The following ILDR2 variants were observed in gnomAD, a reference collection of about 807,000 sequenced individuals.
ILDR2 encodes immunoglobulin-like domain-containing receptor 2.
A neutral mutation model predicts 66.8 loss-of-function variants in ILDR2; 25 were observed. The observed-to-expected ratio is 0.37, with a 90% CI of 0.27 to 0.52. The LOEUF (loss-of-function observed/expected upper bound fraction) is 0.52, where lower values mean the gene tolerates loss of function less well. Among genes scored for constraint, ILDR2 ranks in the 20% least tolerant of loss-of-function variants. The pLI, the probability that ILDR2 is intolerant of heterozygous loss-of-function variation, is 0.88. For missense variants in ILDR2, 827 were observed against 876.8 expected, an observed-to-expected ratio of 0.94 and a Z score of 0.72; for synonymous variants, 367 against 357.2, an observed-to-expected ratio of 1.03 and a Z score of -0.31.
intron 3 of ILDR2, among the ~76,000 whole-genome samples, chr1:166,955,384 G>A (rs1464848269): frequency 6.6e-6 from 1 of 152,152 alleles, no homozygotes; most frequent in Non-Finnish European, 1.5e-5. Flanking sequence ...AGGGTGGGCA[G>A]ATCACTTGAG....
rs1265134393 is a variant in ILDR2, at chr1:166,975,374, C to T, written c.-106G>A. On this transcript the variant is annotated 5_prime_UTR_variant, in exon 1 of 10. Coordinates refer to ENST00000271417, the MANE Select transcript of ILDR2 (RefSeq NM_199351.3). ...CAGCGGGCGGCGGCGGAGCGGCGGG[C>T]ACCGGGCGTCCCTGGGCGCAGCGCC... 9.4e-6 allele frequency: 8 copies of T among 854,414 alleles called. No individual in the cohort carries two copies. Among genetic ancestry groups the T allele is most frequent in the Non-Finnish European group, 1.1e-5 (7 of 613,998 alleles). 52.9% of individuals were successfully genotyped at this position (854,414 alleles called of 1,614,324 possible). A position where few individuals can be genotyped will look rare whatever the true frequency, so the allele number is the denominator to read the frequency against.
chr1:166,939,424 AAAGT>A, intron 4 of ILDR2, 86 bp downstream of exon 4: 1 of 1,055,646 alleles, frequency 9.5e-7, no homozygotes, highest in Admixed American at 1.8e-5. Context: ...ATGTGGCAAT[AAAGT>A]AAAGAAGCAA....
chr1:166,899,342 G>A (rs1376496280), intron 2 of ILDR2, among the ~76,000 whole-genome samples: 4 of 149,462 alleles, frequency 2.7e-5, no homozygotes, highest in Non-Finnish European at 5.9e-5. Context: ...GCAATGAGCC[G>A]AGATCGTGCC....
chr1:166,939,133 A>C lies in ILDR2; in HGVS notation c.556+381T>G, dbSNP rs894502105. On this transcript the variant is annotated intron_variant, in intron 4 of 9. Transcript: ENST00000271417. The stretch of plus-strand genomic sequence containing the variant: ...GCAATTCAGAGTAACATGGTTGTAC[A>C]ATAATGAATCAGTAAACATATAACT... Among the ~76,000 whole-genome samples the C allele has an allele frequency of 2.6e-5, 4 of 152,248 alleles. No homozygotes were observed. The East Asian group carries it at 7.7e-4, about 29-fold the overall frequency.
At chr1:166,923,226 G>A (rs910667690) in intron 7 of ILDR2, among the ~76,000 whole-genome samples, 16 of 152,282 alleles carry the variant, frequency 1.1e-4, no homozygotes, top group African/African-American at 3.9e-4. Flanking sequence ...GAAAAAGAGA[G>A]ACAGAAGCCA....
chr1:166,961,953 C>T (rs575219005), intron 1 of ILDR2, among the ~76,000 whole-genome samples: 34 of 152,270 alleles, frequency 2.2e-4, no homozygotes, highest in African/African-American at 7.9e-4. Context: ...TGTATGCACA[C>T]ATGCATACAC....
At chr1:166,961,790 G>T (rs982928627) in intron 1 of ILDR2, among the ~76,000 whole-genome samples, 2 of 152,202 alleles carry the variant, frequency 1.3e-5, no homozygotes, top group Non-Finnish European at 2.9e-5. Flanking sequence ...AGAGATCAAG[G>T]TGTCAGATGC....
At chr1:166,929,116 A>G (rs957275832) in intron 6 of ILDR2, among the ~76,000 whole-genome samples, 3 of 152,168 alleles carry the variant, frequency 2.0e-5, no homozygotes, top group African/African-American at 7.2e-5. Flanking sequence ...ATGCAGTGCT[A>G]TTTATTGAGG....
Position 166,935,325 on chromosome 1 carries a change from C to T in ILDR2, c.856G>A (p.Asp286Asn). The change falls in exon 6 of 10, where the codon GAC becomes AAC. Residue 286 changes from aspartate to asparagine, a missense_variant. Physicochemically the swap from Asp to Asn is conservative, Grantham distance 23 (BLOSUM62 1). Coordinates refer to ENST00000271417, the MANE Select transcript of ILDR2 (RefSeq NM_199351.3). ...KPHPPPLAPSDSTGGSHSVRK... is the reference protein window; with the variant it reads ...KPHPPPLAPSNSTGGSHSVRK... ...CCACTGTGGCTTCCTCCAGTGGAGT[C>T]ACTTGGTGCCAAGGGAGGTGGATGC... 2 of 1,614,112 alleles carry T rather than the reference C, an allele frequency of 1.2e-6. No homozygotes were observed. The highest frequency in any genetic ancestry group is 1.7e-6 in the Non-Finnish European group (2 of 1,180,020).
rs762444255 is a variant in ILDR2 at position 166,920,787 on chromosome 1, C to A, written c.1804G>T (p.Gly602Cys). ...PPYSELELTR[G>C]PSYRGRDLPY... The stretch of plus-strand genomic sequence containing the variant: ...AGGTCGCGGCCGCGGTAGGACGGGC[C>A]GCGGGTCAGCTCCAGCTCGCTGTAG... Residue 602 changes from glycine (G) to cysteine (C), a missense_variant, in exon 9 of 10, where the codon GGC becomes TGC. By Grantham distance (159) the Gly-to-Cys change is radical. Around this residue, in one of 2 missense-constraint regions of ILDR2, gnomAD observed 390 missense variants for 353.6 expected, o/e 1.10. Transcript: ENST00000271417. The A allele has an allele frequency of 6.6e-7, 1 of 1,525,392 alleles. No homozygotes were observed. Among genetic ancestry groups the A allele is most frequent in the Non-Finnish European group, 8.8e-7 (1 of 1,137,258 alleles). The allele number at this position is 1,525,392 out of a possible 1,614,324, so 94.5% of individuals were successfully genotyped here. A position where few individuals can be genotyped will look rare whatever the true frequency, so the allele number is the denominator to read the frequency against.
intron 9 of ILDR2, 156 bp downstream of exon 9, chr1:166,920,551 C>G (rs1659850372): frequency 2.2e-6 from 1 of 461,178 alleles, no homozygotes. Flanking sequence ...GGCCTAGCAT[C>G]CGCGGACGAA....
Position 166,911,094 on chromosome 1 carries a change from A to G in ILDR2, c.*8261T>C, listed in dbSNP as rs1659462962. 1 of 152,050 alleles carries G rather than the reference A, an allele frequency of 6.6e-6. No individual in the cohort carries two copies. The highest frequency in any genetic ancestry group is 1.5e-5 in the Non-Finnish European group (1 of 68,012). 9.4% of individuals were successfully genotyped at this position (152,050 alleles called of 1,614,324 possible). On this transcript the variant is annotated 3_prime_UTR_variant, in exon 10 of 10. Coordinates refer to ENST00000271417, the MANE Select transcript of ILDR2 (RefSeq NM_199351.3). The stretch of plus-strand genomic sequence containing the variant: ...CCTCTTGAATGAAATCTACATCCAT[A>G]ATTTATTTGGCCACTCTTAACAATT...
At chr1:166,904,719 T>C (rs1031618252), downstream of ILDR2, among the ~76,000 whole-genome samples, 1 of 152,232 alleles carries the variant, frequency 6.6e-6, no homozygotes, top group Non-Finnish European at 1.5e-5. Context: ...ATAAATACAC[T>C]GTGGAACAAT....
chr1:166,896,095 C>T (rs1408646760), exon 3 of ILDR2: 2 of 152,224 alleles, frequency 1.3e-5, no homozygotes, highest in African/African-American at 4.8e-5. Context: ...TCTGCTTCTG[C>T]TGTTTTCTGA....
intron 6 of ILDR2, among the ~76,000 whole-genome samples, chr1:166,931,420 A>C (rs1318375220): frequency 6.6e-6 from 1 of 152,238 alleles, no homozygotes; most frequent in African/African-American, 2.4e-5. Context: ...GTGATTCTTA[A>C]AATTTGCATA....
chr1:166,933,894 G>C (rs1660784419), intron 6 of ILDR2, among the ~76,000 whole-genome samples: 1 of 152,106 alleles, frequency 6.6e-6, no homozygotes, highest in Non-Finnish European at 1.5e-5. Flanking sequence ...TCCTGGGAGA[G>C]AAAAATACAA....
chr1:166,899,588 G>A (rs890712000), intron 2 of ILDR2, among the ~76,000 whole-genome samples: 1 of 151,980 alleles, frequency 6.6e-6, no homozygotes, highest in Non-Finnish European at 1.5e-5. Flanking sequence ...ATGAGCCATG[G>A]GCCTTTTTGC....
In ILDR2 at chr1:166,920,803, C is replaced by G; in HGVS notation, c.1788G>C (p.Glu596Asp). The stretch of plus-strand genomic sequence containing the variant: ...AGGACGGGCCGCGGGTCAGCTCCAG[C>G]TCGCTGTAGGGCGGCAGCGCGTCGT... Reference protein sequence around the residue: ...ASDDALPPYSELELTRGPSYR... With the variant: ...ASDDALPPYSDLELTRGPSYR... Residue 596 changes from glutamate to aspartate, a missense_variant, in exon 9 of 10, where the codon GAG becomes GAC. By Grantham distance (45) the Glu-to-Asp change is conservative. Coordinates refer to ENST00000271417, the MANE Select transcript of ILDR2 (RefSeq NM_199351.3). 1 of 1,534,348 alleles carries G rather than the reference C, an allele frequency of 6.5e-7. No homozygotes were observed.
chr1:166,962,721 G>A (rs540390996), intron 1 of ILDR2, among the ~76,000 whole-genome samples: 1 of 152,166 alleles, frequency 6.6e-6, no homozygotes, highest in East Asian at 1.9e-4. Flanking sequence ...TTTTGTTTTC[G>A]TTTTTCAATT....
Sources: gnomAD v4.1 joint callset for allele counts (sites outside exome capture counted in the v4.1 genomes callset) on GRCh38, gnomAD v4.1.1 for gene constraint, gnomAD v4.1.1 regional missense constraint, MANE v1.5 for transcripts, NCBI Gene and HGNC (gene_info 2026-07-23, HGNC 2026-07-21) for gene names.